The following MANBA variants were observed in gnomAD, a reference collection of about 807,000 sequenced individuals.
MANBA encodes the protein beta-mannosidase.
MANBA carries 83 observed loss-of-function variants against 111.1 expected under a neutral mutation model. That is an observed-to-expected ratio of 0.75 (90% CI 0.63 to 0.90). The LOEUF is 0.90. MANBA is among the 40% of genes least tolerant of loss of function. MANBA has a pLI of 0.00. For missense variants in MANBA, 1,036 were observed against 1,069.0 expected (o/e 0.97, Z 0.43); for synonymous variants, 370 against 378.7 (o/e 0.98, Z 0.27).
chr4:102,659,295 G>A (rs984805165), intron 11 of MANBA, among the ~76,000 whole-genome samples: 14 of 152,152 alleles, frequency 9.2e-5, no homozygotes, highest in Admixed American at 3.3e-4. Context: ...GGCTCTTTGG[G>A]AATGTAAAAC....
intron 10 of MANBA, chr4:102,667,715 T>C (rs535605177): frequency 6.6e-6 from 1 of 152,278 alleles, no homozygotes; most frequent in Non-Finnish European, 1.5e-5. Context: ...AGAAGAAATA[T>C]CAAAATATTT....
chr4:102,705,725 T>A (rs896308865), intron 5 of MANBA, among the ~76,000 whole-genome samples: 3 of 152,052 alleles, frequency 2.0e-5, no homozygotes, highest in Non-Finnish European at 4.4e-5. Flanking sequence ...CACAGCCAGC[T>A]CCCACATGCA....
At chr4:102,688,686 T>C (rs1452169269) in intron 7 of MANBA, among the ~76,000 whole-genome samples, 1 of 152,196 alleles carries the variant, frequency 6.6e-6, no homozygotes, top group African/African-American at 2.4e-5. Context: ...TTATTGTCCC[T>C]ATTTTACATA....
At chr4:102,734,825 G>T (rs1046121878) in intron 1 of MANBA, among the ~76,000 whole-genome samples, 2 of 152,146 alleles carry the variant, frequency 1.3e-5, no homozygotes, top group African/African-American at 2.4e-5. Context: ...TTCTGTGATG[G>T]TTTAGAGTCA....
intron 5 of MANBA, among the ~76,000 whole-genome samples, chr4:102,707,114 C>T (rs1733331866): frequency 6.6e-6 from 1 of 152,114 alleles, no homozygotes; most frequent in Admixed American, 6.5e-5. Flanking sequence ...AAGGCCTTCT[C>T]CATGGCACAT....
intron 8 of MANBA, among the ~76,000 whole-genome samples, chr4:102,672,317 A>C (rs538921027): frequency 1.7e-4 from 26 of 152,338 alleles, no homozygotes; most frequent in African/African-American, 6.3e-4. Context: ...ATAATAAATA[A>C]GTTTAAATGT....
At chr4:102,760,262 T>C (rs906183930) in intron 1 of MANBA, among the ~76,000 whole-genome samples, 14 of 152,190 alleles carry the variant, frequency 9.2e-5, no homozygotes, top group Non-Finnish European at 1.2e-4. Context: ...CAAATCTGAC[T>C]CCCTGACGCT....
At chr4:102,708,955 C>T (rs948935726) in intron 5 of MANBA, among the ~76,000 whole-genome samples, 4 of 151,822 alleles carry the variant, frequency 2.6e-5, no homozygotes, top group African/African-American at 7.3e-5. Flanking sequence ...AACGACTATA[C>T]GCTAACAAAC....
At chr4:102,633,536 A>ACCT (rs1327459160) in intron 16 of MANBA, 1 of 397,790 alleles carries the variant, frequency 2.5e-6, no homozygotes, top group Admixed American at 4.4e-5. Context: ...GAAGCCAAAT[A>ACCT]CCTAGTCTAT....
rs554843641 is a variant in MANBA at position 102,664,559 on chromosome 4, C to G, written c.1485+126G>C. ...TAGAGACGGGGTTTCACCGTGGTCT[C>G]GATCTCCTGACCTTGTGATCCGCCC... On this transcript the variant is annotated intron_variant, in intron 11 of 16. Transcript: ENST00000647097. 7 of 801,928 alleles carry G rather than the reference C, an allele frequency of 8.7e-6. No homozygotes were observed. The South Asian group carries it at 1.0e-4, about 12-fold the overall frequency. The allele number at this position is 801,928 out of a possible 1,614,324, so 49.7% of individuals were successfully genotyped here. A position where few individuals can be genotyped will look rare whatever the true frequency, so the allele number is the denominator to read the frequency against.
chr4:102,656,985 G>A (rs1730583745), intron 12 of MANBA, among the ~76,000 whole-genome samples: 1 of 152,048 alleles, frequency 6.6e-6, no homozygotes, highest in Non-Finnish European at 1.5e-5. Flanking sequence ...TGATAAAAAT[G>A]TTCTAAAATT....
At chr4:102,637,783 A>C (rs1233401619) in intron 14 of MANBA, among the ~76,000 whole-genome samples, 1 of 152,210 alleles carries the variant, frequency 6.6e-6, no homozygotes, top group Non-Finnish European at 1.5e-5. Context: ...CATCCTCTGT[A>C]ATACAGCAGT....
chr4:102,710,595 A>C (rs1722016732), intron 5 of MANBA, among the ~76,000 whole-genome samples: 1 of 152,186 alleles, frequency 6.6e-6, no homozygotes, highest in East Asian at 1.9e-4. Flanking sequence ...TACCCAAAGC[A>C]ATCTACAGAG....
intron 2 of MANBA, among the ~76,000 whole-genome samples, chr4:102,725,591 C>T (rs921017686): frequency 6.6e-6 from 1 of 152,108 alleles, no homozygotes; most frequent in African/African-American, 2.4e-5. Context: ...TATTCTTGAA[C>T]GAATACCTAT....
chr4:102,633,122 G>C (rs987244871), intron 16 of MANBA: 1 of 396,758 alleles, frequency 2.5e-6, no homozygotes, highest in African/African-American at 2.1e-5. Context: ...TATCATTCAG[G>C]GTTCTGAGTT....
chr4:102,646,768 A>G (rs1185807727), intron 13 of MANBA, among the ~76,000 whole-genome samples: 2 of 152,138 alleles, frequency 1.3e-5, no homozygotes, highest in Admixed American at 1.3e-4. Flanking sequence ...ATACAATATA[A>G]CAGGGCAAGA....
At chr4:102,676,405 C>T (rs147818512) in intron 7 of MANBA, among the ~76,000 whole-genome samples, 105 of 152,122 alleles carry the variant, frequency 6.9e-4, no homozygotes, top group Middle Eastern at 3.4e-3. Flanking sequence ...GTTAGTTATG[C>T]ACCCCTGGCT....
intron 1 of MANBA, chr4:102,729,178 T>C: frequency 1.4e-6 from 1 of 722,714 alleles, no homozygotes; most frequent in Admixed American, 1.8e-5. Flanking sequence ...GATGGTGCCC[T>C]CCAGGGAAGC....
Position 102,721,329 on chromosome 4 carries a change from C to A in MANBA, c.549+1542G>T, listed in dbSNP as rs532998663. On this transcript the variant is annotated intron_variant, in intron 4 of 16. Coordinates refer to ENST00000647097, the MANE Select transcript of MANBA (RefSeq NM_005908.4). ...ACAGAGCAAGACTCCATCTCAAATA[C>A]ATAAATAAATAAATAAATAAATAAA... Among the ~76,000 whole-genome samples, 10 of 151,012 alleles carry A rather than the reference C, an allele frequency of 6.6e-5. No homozygotes were observed. In the South Asian group the frequency reaches 1.0e-3, roughly 16 times the overall value.
Sources: allele counts gnomAD v4.1 joint callset (sites outside exome capture counted in the v4.1 genomes callset), GRCh38; gene constraint gnomAD v4.1.1; transcripts MANE v1.5; gene names NCBI Gene and HGNC (gene_info 2026-07-23, HGNC 2026-07-21).